ZDHHC18: variants seen among roughly 807,000 people sequenced by gnomAD.
ZDHHC18 encodes the protein palmitoyltransferase ZDHHC18.
A neutral mutation model predicts 37.5 loss-of-function variants in ZDHHC18; 23 were observed. That is an observed-to-expected ratio of 0.61 (90% CI 0.44 to 0.87). The LOEUF (loss-of-function observed/expected upper bound fraction) is 0.87, where lower values mean the gene tolerates loss of function less well. Ranked by LOEUF, ZDHHC18 falls within the 40% of genes least tolerant of loss-of-function variation. ZDHHC18 has a pLI of 0.00. For missense variants in ZDHHC18, 406 were observed against 525.6 expected (o/e 0.77, Z 2.22); for synonymous variants, 185 against 218.7 (o/e 0.85, Z 1.36).
chr1:26,832,558 C>A lies in ZDHHC18; in HGVS notation c.447C>A (p.Ile149=), dbSNP rs2081593135. 6.2e-7 allele frequency: 1 copy of A among 1,614,202 alleles called. No individual in the cohort carries two copies. Among genetic ancestry groups the A allele is most frequent in the South Asian group, 1.1e-5 (1 of 91,084 alleles). ...AGACAAGCTTCACCGACCCTGGGAT[C>A]CTGCCCCGGGCCACTGTCTGTGAAG... ...LLQTSFTDPG[I]LPRATVCEAA... Residue 149 remains isoleucine, a synonymous_variant, in exon 2 of 8, where the codon ATC becomes ATA. Transcript: ENST00000374142.
chr1:26,841,874 G>A (rs1164678195), intron 2 of ZDHHC18, among the ~76,000 whole-genome samples: 4 of 151,850 alleles, frequency 2.6e-5, no homozygotes, highest in African/African-American at 7.3e-5. Context: ...GGTGGCTCAC[G>A]CCTGTAATCC....
At chr1:26,835,474 G>A (rs1346955164) in intron 2 of ZDHHC18, among the ~76,000 whole-genome samples, 1 of 152,112 alleles carries the variant, frequency 6.6e-6, no homozygotes. Flanking sequence ...AGGCCGAGGC[G>A]GGCGGATCAC....
intron 2 of ZDHHC18, among the ~76,000 whole-genome samples, chr1:26,846,745 A>G (rs1244482338): frequency 6.6e-6 from 1 of 152,168 alleles, no homozygotes; most frequent in African/African-American, 2.4e-5. Flanking sequence ...ATTTGCATAT[A>G]TATGTTTGTT....
Position 26,837,014 on chromosome 1 carries a change from C to T in ZDHHC18, c.496+4407C>T, listed in dbSNP as rs547731585. ...CTGTAATCCCAGCACATTGGGAGGC[C>T]GAAGCAGGTGGATCACAAGGTCAGG... is the stretch of plus-strand genomic sequence containing the variant. On this transcript the variant is annotated intron_variant, in intron 2 of 7. Transcript: ENST00000374142. Among the ~76,000 whole-genome samples, 144 of 146,946 alleles carry T rather than the reference C, an allele frequency of 9.8e-4. 1 individual carries two copies. The highest frequency in any genetic ancestry group is 9.6e-3 in the South Asian group (45 of 4,670).
intron 2 of ZDHHC18, among the ~76,000 whole-genome samples, chr1:26,847,147 G>A (rs376414772): frequency 6.6e-6 from 1 of 151,922 alleles, no homozygotes; most frequent in African/African-American, 2.4e-5. Flanking sequence ...CGCCCGCCTC[G>A]GCCCCCCAAA....
intron 2 of ZDHHC18, among the ~76,000 whole-genome samples, chr1:26,843,081 A>G (rs1452958243): frequency 2.0e-5 from 3 of 151,732 alleles, no homozygotes; most frequent in African/African-American, 4.8e-5. Context: ...TGCTCTGCCG[A>G]TATACCAGGG....
intron 6 of ZDHHC18, 58 bp from the exon 7 acceptor site, chr1:26,852,695 C>T: frequency 6.7e-7 from 1 of 1,492,880 alleles, no homozygotes; most frequent in Non-Finnish European, 9.3e-7. Context: ...CTAGACCTGC[C>T]TCCTAGAAAA....
intron 2 of ZDHHC18, among the ~76,000 whole-genome samples, chr1:26,838,079 C>G (rs1019300220): frequency 1.3e-5 from 2 of 149,132 alleles, no homozygotes; most frequent in Admixed American, 1.3e-4. Flanking sequence ...TCACCACAAC[C>G]TCTGCCTCTC....
intron 2 of ZDHHC18, among the ~76,000 whole-genome samples, chr1:26,845,484 C>G (rs534570483): frequency 6.6e-6 from 1 of 150,782 alleles, no homozygotes; most frequent in African/African-American, 2.4e-5. Context: ...AGGCGCCCAC[C>G]ACCACACCCA....
intron 2 of ZDHHC18, among the ~76,000 whole-genome samples, chr1:26,838,957 G>A (rs2081625648): frequency 1.3e-5 from 2 of 152,272 alleles, no homozygotes. Context: ...TAGAGGCGGG[G>A]AGACTGCAGT....
chr1:26,846,248 A>G (rs1043870771), intron 2 of ZDHHC18, among the ~76,000 whole-genome samples: 9 of 139,498 alleles, frequency 6.5e-5, no homozygotes, highest in East Asian at 2.0e-4. Flanking sequence ...AGAGATATAT[A>G]GATATATATC....
At chr1:26,834,505 A>T (rs1191799826) in intron 2 of ZDHHC18, among the ~76,000 whole-genome samples, 1 of 152,122 alleles carries the variant, frequency 6.6e-6, no homozygotes, top group East Asian at 1.9e-4. Context: ...GTGCTCTGGG[A>T]AGCCTTCTTG....
intron 3 of ZDHHC18, among the ~76,000 whole-genome samples, chr1:26,849,751 TC>T (rs1231055552): frequency 6.6e-6 from 1 of 152,200 alleles, no homozygotes; most frequent in Non-Finnish European, 1.5e-5. Flanking sequence ...GGGCCGCTAG[TC>T]CTAGAGCAGG....
At chr1:26,833,118 A>G (rs556849573) in intron 2 of ZDHHC18, among the ~76,000 whole-genome samples, 1 of 152,336 alleles carries the variant, frequency 6.6e-6, no homozygotes, top group African/African-American at 2.4e-5. Context: ...ACTTTTCTAG[A>G]TGTGATACAG....
intron 1 of ZDHHC18, among the ~76,000 whole-genome samples, chr1:26,829,186 C>G (rs979472715): frequency 2.6e-5 from 4 of 152,140 alleles, no homozygotes; most frequent in Non-Finnish European, 5.9e-5. Flanking sequence ...CCCCATTGCT[C>G]TGGGAAAAGG....
intron 2 of ZDHHC18, among the ~76,000 whole-genome samples, chr1:26,832,987 T>C (rs559030459): frequency 6.6e-6 from 1 of 152,326 alleles, no homozygotes; most frequent in East Asian, 1.9e-4. Flanking sequence ...GGGTCCAAGA[T>C]CACAAAGTAA....
chr1:26,832,933 G>A (rs1289826548), intron 2 of ZDHHC18, among the ~76,000 whole-genome samples: 2 of 152,240 alleles, frequency 1.3e-5, no homozygotes, highest in Non-Finnish European at 2.9e-5. Flanking sequence ...GGTAGGTACT[G>A]TTGTCATTCT....
At chr1:26,827,160 GC>G (rs1385726189) in intron 1 of ZDHHC18, 21 bp downstream of exon 1, 3 of 1,362,744 alleles carry the variant, frequency 2.2e-6, no homozygotes, top group East Asian at 3.0e-5. Context: ...CTGCCTCGGC[GC>G]CCCCTCCCAG....
intron 6 of ZDHHC18, 147 bp downstream of exon 6, chr1:26,851,378 CTCAGCT>C: frequency 2.7e-6 from 2 of 727,618 alleles, no homozygotes; most frequent in Non-Finnish European, 2.3e-6. Flanking sequence ...TCCCAGTCAT[CTCAGCT>C]TGGCCCTGGT....
Sources: allele counts gnomAD v4.1 joint callset (sites outside exome capture counted in the v4.1 genomes callset), GRCh38; gene constraint gnomAD v4.1.1; transcripts MANE v1.5; gene names NCBI Gene and HGNC (gene_info 2026-07-23, HGNC 2026-07-21).